The following KIF16B variants were observed in gnomAD, a reference collection of about 807,000 sequenced individuals.
KIF16B encodes kinesin family member 16B.
Under a neutral mutation model 156.3 loss-of-function variants are expected in KIF16B, and 98 were observed. The ratio of observed to expected loss-of-function variants is 0.63; its 90% CI spans 0.53 to 0.74. The LOEUF (loss-of-function observed/expected upper bound fraction) is 0.74. Among genes scored for constraint, KIF16B ranks in the 30% least tolerant of loss-of-function variants. The pLI, the probability that KIF16B is intolerant of heterozygous loss-of-function variation, is 0.00. For missense variants in KIF16B, 1,421 were observed against 1,606.5 expected, an observed-to-expected ratio of 0.88 and a Z score of 1.97; for synonymous variants, 564 against 583.7, an observed-to-expected ratio of 0.97 and a Z score of 0.49.
chr20:16,276,662 A>T (rs2063065925), intron 25 of KIF16B, among the ~76,000 whole-genome samples: 1 of 152,162 alleles, frequency 6.6e-6, no homozygotes, highest in Non-Finnish European at 1.5e-5. Flanking sequence ...ACATGCTTCA[A>T]ATGGGCTGAA....
In KIF16B at chr20:16,273,204, G is replaced by A. The variant is rs543760098; in HGVS notation, c.*49C>T. On this transcript the variant is annotated 3_prime_UTR_variant, in exon 26 of 26. Transcript: ENST00000354981. ...GGGGAGCTGCCCTGCATCGGAGCCC[G>A]CTTCGACGAGAAGGCACTGCTGTGG... 6.5e-6 allele frequency: 10 copies of A among 1,546,712 alleles called. No homozygotes were observed. The highest frequency in any genetic ancestry group is 4.5e-5 in the East Asian group (2 of 44,380).
intron 23 of KIF16B, among the ~76,000 whole-genome samples, chr20:16,345,532 C>T (rs2123054029): frequency 6.6e-6 from 1 of 152,228 alleles, no homozygotes; most frequent in Admixed American, 6.5e-5. Flanking sequence ...CGTAAGAGGG[C>T]AAATTGTAAA....
In KIF16B at chr20:16,432,093, G is replaced by A. The variant is rs1034824494; in HGVS notation, c.1303-2111C>T. ...AGGGAAGGTCAGAGACAACCCTCCG[G>A]AAGAGAATGGTAGGCCTTATCTTGA... On this transcript the variant is annotated intron_variant, in intron 12 of 25. Transcript: ENST00000354981. Among the ~76,000 whole-genome samples, 33 of 152,016 alleles carry A rather than the reference G, an allele frequency of 2.2e-4. 1 individual carries two copies. The highest frequency in any genetic ancestry group is 4.1e-4 in the South Asian group (2 of 4,822).
chr20:16,571,114 AG>A (rs1356452272), intron 1 of KIF16B, among the ~76,000 whole-genome samples: 1 of 152,128 alleles, frequency 6.6e-6, no homozygotes, highest in African/African-American at 2.4e-5. Context: ...TCCACATCCA[AG>A]AGAGAACATA....
intron 1 of KIF16B, among the ~76,000 whole-genome samples, chr20:16,546,103 T>TAGTGC (rs2070395302): frequency 6.6e-6 from 1 of 152,218 alleles, no homozygotes; most frequent in East Asian, 1.9e-4. Flanking sequence ...TCACCAAGCA[T>TAGTGC]AGTGCCTAAC....
chr20:16,361,279 G>C (rs943104047), intron 22 of KIF16B, among the ~76,000 whole-genome samples: 3 of 152,138 alleles, frequency 2.0e-5, no homozygotes, highest in Admixed American at 6.6e-5. Context: ...GGAAAGAGAC[G>C]ACGAAGATTT....
intron 12 of KIF16B, among the ~76,000 whole-genome samples, chr20:16,485,017 TG>T (rs1337941939): frequency 6.6e-6 from 1 of 152,180 alleles, no homozygotes; most frequent in African/African-American, 2.4e-5. Flanking sequence ...GTTGTACCCA[TG>T]ACTACCTTTA....
chr20:16,301,810 C>G (rs546289423), intron 25 of KIF16B, among the ~76,000 whole-genome samples: 4 of 152,072 alleles, frequency 2.6e-5, no homozygotes, highest in East Asian at 3.9e-4. Context: ...CCACTACACC[C>G]GGCTAATTTT....
chr20:16,537,417 T>C (rs1600653578), intron 1 of KIF16B, among the ~76,000 whole-genome samples: 1 of 152,150 alleles, frequency 6.6e-6, no homozygotes, highest in Non-Finnish European at 1.5e-5. Context: ...ACCAGACTCT[T>C]AACTTTTTAA....
At chr20:16,503,138 G>T (rs940493576) in intron 10 of KIF16B, among the ~76,000 whole-genome samples, 1 of 152,192 alleles carries the variant, frequency 6.6e-6, no homozygotes, top group African/African-American at 2.4e-5. Flanking sequence ...TTGAACCCTG[G>T]AGGTGGAGGT....
At chr20:16,390,959 G>A (rs116271403) in intron 17 of KIF16B, among the ~76,000 whole-genome samples, 6 of 152,172 alleles carry the variant, frequency 3.9e-5, no homozygotes, top group Admixed American at 6.5e-5. Flanking sequence ...AAGGAGCCCA[G>A]TGGGAAAGGG....
chr20:16,480,649 C>T (rs962150386), intron 12 of KIF16B, among the ~76,000 whole-genome samples: 2 of 152,136 alleles, frequency 1.3e-5, no homozygotes, highest in Non-Finnish European at 2.9e-5. Flanking sequence ...ACAGAACAAC[C>T]GCAGAGAGGA....
chr20:16,503,406 G>A lies in KIF16B; in HGVS notation c.1176+966C>T, dbSNP rs540444673. 9.2e-5 allele frequency among the ~76,000 whole-genome samples: 14 copies of A among 152,228 alleles called. No individual in the cohort carries two copies. The South Asian group carries it at 1.2e-3, about 14-fold the overall frequency. Reference sequence around the variant, plus strand: ...CTATTCAACTGCTGTCCACCATCTTGTGGGAAAGAACTGCCAGGTACATTT... The same window carrying A: ...CTATTCAACTGCTGTCCACCATCTTATGGGAAAGAACTGCCAGGTACATTT... On this transcript the variant is annotated intron_variant, in intron 10 of 25. Transcript: ENST00000354981.
At chr20:16,281,618 TC>T (rs992218220) in intron 25 of KIF16B, among the ~76,000 whole-genome samples, 4 of 152,186 alleles carry the variant, frequency 2.6e-5, no homozygotes, top group African/African-American at 9.7e-5. Flanking sequence ...TAGGCTGGGT[TC>T]CCTTTCCAAC....
intron 15 of KIF16B, among the ~76,000 whole-genome samples, chr20:16,422,543 TGG>T (rs1325916669): frequency 6.6e-6 from 1 of 151,932 alleles, no homozygotes; most frequent in East Asian, 1.9e-4. Flanking sequence ...AGTTCAAAGG[TGG>T]GGGGCAACAA....
chr20:16,557,142 T>C (rs188598318), intron 1 of KIF16B, among the ~76,000 whole-genome samples: 9 of 124,400 alleles, frequency 7.2e-5, no homozygotes, highest in Admixed American at 1.7e-4. Context: ...CTATATATAT[T>C]AATACTATAT....
At chr20:16,554,556 C>G (rs757498961) in intron 1 of KIF16B, among the ~76,000 whole-genome samples, 44 of 152,220 alleles carry the variant, frequency 2.9e-4, no homozygotes, top group Non-Finnish European at 4.4e-5. Context: ...GTACCTTATT[C>G]TTTCTGGACA....
rs554370868 is a variant in KIF16B at position 16,543,368 on chromosome 20, T to G, written c.48-14928A>C. Among the ~76,000 whole-genome samples the G allele has an allele frequency of 1.2e-4, 19 of 152,324 alleles. 1 individual carries two copies. The highest frequency in any genetic ancestry group is 4.6e-4 in the African/African-American group (19 of 41,574). On this transcript the variant is annotated intron_variant, in intron 1 of 25. Transcript: ENST00000354981. ...TGCCTTTAGGGTTATCACCACTGAC[T>G]TCCAACCGAGGTGCTCCTCTTCTGA...
At chr20:16,374,517 G>A (rs2064899216) in intron 19 of KIF16B, 108 bp from the exon 20 acceptor site, 2 of 1,064,026 alleles carry the variant, frequency 1.9e-6, no homozygotes, top group East Asian at 5.5e-5. Context: ...TCTGTCCTCT[G>A]TGTGCAAAGA....
Sources: gnomAD v4.1 joint callset for allele counts (sites outside exome capture counted in the v4.1 genomes callset) on GRCh38, gnomAD v4.1.1 for gene constraint, MANE v1.5 for transcripts, NCBI Gene and HGNC (gene_info 2026-07-23, HGNC 2026-07-21) for gene names.